The following TRIM14 variants were observed in gnomAD, a reference collection of about 807,000 sequenced individuals.
The protein encoded by TRIM14 is tripartite motif containing 14.
In TRIM14, 28 loss-of-function variants were observed where a neutral mutation model predicts 44.5. The observed-to-expected ratio is 0.63, with a 90% CI of 0.47 to 0.86. The LOEUF (loss-of-function observed/expected upper bound fraction) is 0.86. Among genes scored for constraint, TRIM14 ranks in the 40% least tolerant of loss-of-function variants. The probability of loss-of-function intolerance (pLI) is 0.00; values close to 1 mark genes in which losing one functional copy is unlikely to be tolerated. For synonymous variants in TRIM14, 299 were observed against 269.2 expected, an observed-to-expected ratio of 1.11 and a Z score of -1.08; for missense variants, 607 against 611.1, an observed-to-expected ratio of 0.99 and a Z score of 0.07.
chr9:98,050,406 C>A, the TRIM14 span, among the ~76,000 whole-genome samples: 6 of 152,242 alleles, frequency 3.9e-5, no homozygotes, highest in East Asian at 9.6e-4. Flanking sequence ...GTGAGTTTTG[C>A]AAGGTGGGAA....
At chr9:98,096,852 A>T (rs1465950198) in intron 3 of TRIM14, among the ~76,000 whole-genome samples, 1 of 152,030 alleles carries the variant, frequency 6.6e-6, no homozygotes, top group Non-Finnish European at 1.5e-5. Flanking sequence ...CTCTAAAGTG[A>T]CTTTTCTAAA....
At chr9:98,077,134 A>T (rs1002704543) in intron 6 of TRIM14, 1 of 746,900 alleles carries the variant, frequency 1.3e-6, no homozygotes, top group Non-Finnish European at 2.1e-6. Context: ...GCCTCTTTTC[A>T]TTTTTTTAAA....
the TRIM14 span, among the ~76,000 whole-genome samples, chr9:98,063,445 T>A: frequency 1.3e-5 from 2 of 152,130 alleles, no homozygotes; most frequent in Non-Finnish European, 2.9e-5. Context: ...TTTCACCATG[T>A]TGGCCAGGCT....
intron 6 of TRIM14, chr9:98,076,970 C>T: frequency 6.2e-7 from 1 of 1,611,558 alleles, no homozygotes; most frequent in Non-Finnish European, 8.5e-7. Context: ...AAAGTTGGAT[C>T]TGGAGACACT....
chr9:98,072,391 CA>C (rs1829377884), intron 6 of TRIM14, among the ~76,000 whole-genome samples: 1 of 151,522 alleles, frequency 6.6e-6, no homozygotes, highest in African/African-American at 2.4e-5. Flanking sequence ...TGACCTAGGG[CA>C]CAGGCAGTGA....
intron 6 of TRIM14, among the ~76,000 whole-genome samples, chr9:98,073,764 C>T (rs1378826972): frequency 6.6e-6 from 1 of 151,856 alleles, no homozygotes; most frequent in Non-Finnish European, 1.5e-5. Flanking sequence ...GTGTTGTCCA[C>T]CCTCATTCAT....
chr9:98,051,283 T>C, the TRIM14 span, among the ~76,000 whole-genome samples: 1 of 152,168 alleles, frequency 6.6e-6, no homozygotes, highest in Non-Finnish European at 1.5e-5. Context: ...TGAAATTAAA[T>C]AGATCAAAGA....
the TRIM14 span, among the ~76,000 whole-genome samples, chr9:98,041,946 G>C: frequency 6.6e-6 from 1 of 151,606 alleles, no homozygotes; most frequent in Non-Finnish European, 1.5e-5. Context: ...GCCTCCCGAA[G>C]TGTTAGGATT....
the TRIM14 span, among the ~76,000 whole-genome samples, chr9:98,040,997 A>G: frequency 6.6e-6 from 1 of 152,084 alleles, no homozygotes; most frequent in South Asian, 2.1e-4. Flanking sequence ...TCATGTTGGC[A>G]AGGCTGGTCT....
At chr9:98,047,859 G>A in the TRIM14 span, among the ~76,000 whole-genome samples, 2 of 152,108 alleles carry the variant, frequency 1.3e-5, no homozygotes, top group East Asian at 3.9e-4. Flanking sequence ...AAGGTCAGGA[G>A]TTTGAGACCA....
chr9:98,064,214 AC>A, the TRIM14 span, among the ~76,000 whole-genome samples: 1 of 152,138 alleles, frequency 6.6e-6, no homozygotes, highest in African/African-American at 2.4e-5. Flanking sequence ...CGTACGCATG[AC>A]ATTCTTCAAA....
chr9:98,056,911 G>A, the TRIM14 span: 2 of 1,609,260 alleles, frequency 1.2e-6, no homozygotes, highest in East Asian at 2.2e-5. Flanking sequence ...CGACCTGGAC[G>A]TAGCCAAGCG....
intron 2 of TRIM14, among the ~76,000 whole-genome samples, chr9:98,103,576 C>A (rs186100028): frequency 4.6e-5 from 7 of 152,042 alleles, no homozygotes; most frequent in Admixed American, 2.0e-4. Context: ...CGGTGGCTCA[C>A]GCCTGTAATT....
At chr9:98,112,158 T>C (rs1447031961) in intron 1 of TRIM14, among the ~76,000 whole-genome samples, 2 of 152,188 alleles carry the variant, frequency 1.3e-5, no homozygotes, top group Admixed American at 6.6e-5. Context: ...AATTACTTAC[T>C]TCCTAGGTTT....
chr9:98,101,835 A>G (rs752764807), intron 2 of TRIM14, among the ~76,000 whole-genome samples: 9 of 152,060 alleles, frequency 5.9e-5, no homozygotes, highest in Non-Finnish European at 1.0e-4. Flanking sequence ...CTCAGTATAT[A>G]GCTTCTACAC....
At chr9:98,049,023 A>C in the TRIM14 span, among the ~76,000 whole-genome samples, 1 of 150,012 alleles carries the variant, frequency 6.7e-6, no homozygotes, top group Non-Finnish European at 1.5e-5. Context: ...CTGTCTCAGA[A>C]AAAAAAAAAG....
chr9:98,052,398 G>A, the TRIM14 span, among the ~76,000 whole-genome samples: 3 of 151,670 alleles, frequency 2.0e-5, no homozygotes, highest in Non-Finnish European at 2.9e-5. Flanking sequence ...GAAGAGAAAA[G>A]AAAACAAACA....
rs543632128 is a variant in TRIM14, at chr9:98,095,678, A to C, written c.538-649T>G. Reference sequence around the variant, plus strand: ...AACCCCCTCTCCCAGCTCCCTTTGCACCTGTGCTGCAGGAGTGTGACCAGA... The same window carrying C: ...AACCCCCTCTCCCAGCTCCCTTTGCCCCTGTGCTGCAGGAGTGTGACCAGA... On this transcript the variant is annotated intron_variant, in intron 3 of 5. Coordinates refer to ENST00000341469, the MANE Select transcript of TRIM14 (RefSeq NM_014788.4). This position sits in a 1 kb window ranked among gnomAD's most constrained non-coding sequence, Gnocchi z 4.1. Among the ~76,000 whole-genome samples, 11 of 152,192 alleles carry C rather than the reference A, an allele frequency of 7.2e-5. No homozygotes were observed. Among genetic ancestry groups the C allele is most frequent in the African/African-American group, 2.6e-4 (11 of 41,536 alleles).
chr9:98,064,034 G>C, the TRIM14 span, among the ~76,000 whole-genome samples: 4 of 152,116 alleles, frequency 2.6e-5, no homozygotes, highest in Non-Finnish European at 5.9e-5. Context: ...CACTTTTCCA[G>C]TTCTAAAACA....
Sources: allele counts gnomAD v4.1 joint callset (sites outside exome capture counted in the v4.1 genomes callset), GRCh38; gene constraint gnomAD v4.1.1; non-coding constraint Gnocchi (gnomAD v3.1); transcripts MANE v1.5; gene names NCBI Gene and HGNC (gene_info 2026-07-23, HGNC 2026-07-21).